IQSEC1: variants seen among roughly 807,000 people sequenced by gnomAD.
The protein encoded by IQSEC1 is IQ motif and SEC7 domain-containing protein 1.
Under a neutral mutation model 91.0 loss-of-function variants are expected in IQSEC1, and 31 were observed. That is an observed-to-expected ratio of 0.34 (90% CI 0.26 to 0.46). IQSEC1 has a LOEUF of 0.46. IQSEC1 is among the 20% of genes least tolerant of loss of function. The pLI is 1.00. For missense variants in IQSEC1, 1,388 were observed against 1,575.6 expected (o/e 0.88, Z 2.02); for synonymous variants, 699 against 662.6 (o/e 1.05, Z -0.84).
intron 1 of IQSEC1, among the ~76,000 whole-genome samples, chr3:13,228,071 T>A (rs1576302445): frequency 1.3e-5 from 2 of 151,858 alleles, no homozygotes; most frequent in Admixed American, 1.3e-4. Context: ...GCCTGGGAGG[T>A]GTGATTTACT....
At chr3:13,085,956 C>T (rs1453942229) in intron 2 of IQSEC1, among the ~76,000 whole-genome samples, 2 of 152,228 alleles carry the variant, frequency 1.3e-5, no homozygotes, top group Admixed American at 1.3e-4. Flanking sequence ...GAAGGTGGCT[C>T]CACGCGGCCC....
In IQSEC1 at chr3:12,924,312, G is replaced by T. The variant is rs145449533; in HGVS notation, c.1730+269C>A. On this transcript the variant is annotated intron_variant, in intron 4 of 13. Coordinates refer to ENST00000613206, the MANE Select transcript of IQSEC1 (RefSeq NM_001134382.3). This position sits in a 1 kb window ranked among gnomAD's most constrained non-coding sequence, Gnocchi z 6.3. ...GTGCTTAGGGATGGAGGGAAGGGAGGGGCCAAGGGTGCATGCCAGAGGGTG... is the reference window on the plus strand; with the variant it reads ...GTGCTTAGGGATGGAGGGAAGGGAGTGGCCAAGGGTGCATGCCAGAGGGTG... Among the ~76,000 whole-genome samples the T allele has an allele frequency of 6.6e-6, 1 of 152,188 alleles. No homozygotes were observed. Among genetic ancestry groups the T allele is most frequent in the South Asian group, 2.1e-4 (1 of 4,832 alleles).
rs1705412878 is a variant in IQSEC1 at position 13,071,168 on chromosome 3, T to TTTG, written c.23+1821_23+1823dup. On this transcript the variant is annotated intron_variant, in intron 1 of 13. Transcript: ENST00000613206. ...GTTTTTTTTTGTTTTTTTTTTTTTG[T>TTTG]TTGTTTCTTTAACTGCTCCTCAAGT... Among the ~76,000 whole-genome samples the TTTG allele has an allele frequency of 5.1e-5, 4 of 78,826 alleles. No individual in the cohort carries two copies. The South Asian group carries it at 1.4e-3, about 28-fold the overall frequency. 51.7% of individuals were successfully genotyped at this position (78,826 alleles called of 152,430 possible).
intron 2 of IQSEC1, among the ~76,000 whole-genome samples, chr3:13,129,660 T>TCTTTC (rs1173129315): frequency 2.7e-5 from 4 of 148,246 alleles, no homozygotes; most frequent in African/African-American, 1.0e-4. Context: ...TATGAATTTT[T>TCTTTC]TTTTTTTTTT....
chr3:12,899,954 T>C lies in IQSEC1; in HGVS notation c.*1029A>G, dbSNP rs1559591789. On this transcript the variant is annotated 3_prime_UTR_variant, in exon 14 of 14. Coordinates refer to ENST00000613206, the MANE Select transcript of IQSEC1 (RefSeq NM_001134382.3). ...CTCTGAATGAGTGTGCGTCAAATCATATGCGCATAAAAGAAACATGGATCA... is the reference window on the plus strand; with the variant it reads ...CTCTGAATGAGTGTGCGTCAAATCACATGCGCATAAAAGAAACATGGATCA... 1.0e-6 allele frequency: 1 copy of C among 985,102 alleles called. No individual in the cohort carries two copies. The highest frequency in any genetic ancestry group is 1.2e-6 in the Non-Finnish European group (1 of 829,880). 61.0% of individuals were successfully genotyped at this position (985,102 alleles called of 1,614,324 possible).
rs2125067620 is a variant in IQSEC1, at chr3:12,908,497, C to T, written c.2607G>A (p.Val869=). ...ESELEKQKGV[V]RPSMSQCSSL... ...TAGAGCACTGGGACATGCTGGGCCG[C>T]ACGACGCCTTTCTGCTTCTCGAGCT... The change falls in exon 12 of 14, where the codon GTG becomes GTA. Residue 869 remains valine, a synonymous_variant. Coordinates refer to ENST00000613206, the MANE Select transcript of IQSEC1 (RefSeq NM_001134382.3). This position sits in a 1 kb window ranked among gnomAD's most constrained non-coding sequence, Gnocchi z 4.9. The T allele has an allele frequency of 6.2e-7, 1 of 1,613,632 alleles. No individual in the cohort carries two copies. Among genetic ancestry groups the T allele is most frequent in the African/African-American group, 1.3e-5 (1 of 75,058 alleles).
intron 2 of IQSEC1, among the ~76,000 whole-genome samples, chr3:13,126,774 T>A (rs1706519175): frequency 6.6e-6 from 1 of 152,234 alleles, no homozygotes; most frequent in African/African-American, 2.4e-5. Flanking sequence ...TAATATGCAA[T>A]GATGCTGAGT....
At chr3:13,035,572 C>T (rs1054692682) in intron 1 of IQSEC1, among the ~76,000 whole-genome samples, 6 of 152,220 alleles carry the variant, frequency 3.9e-5, no homozygotes, top group African/African-American at 1.2e-4. Flanking sequence ...AGTGTCCCTA[C>T]ACCTGTTAGG....
chr3:12,900,326 T>G lies in IQSEC1; in HGVS notation c.*657A>C, dbSNP rs540487869. Reference sequence around the variant, plus strand: ...TTTGTTCCTAGCATTTAGGGTTTGGTCTATTGTCTCACACACCCAGCTAAG... The same window carrying G: ...TTTGTTCCTAGCATTTAGGGTTTGGGCTATTGTCTCACACACCCAGCTAAG... On this transcript the variant is annotated 3_prime_UTR_variant, in exon 14 of 14. Transcript: ENST00000613206. The G allele has an allele frequency of 1.0e-6, 1 of 984,458 alleles. No homozygotes were observed. Among genetic ancestry groups the G allele is most frequent in the Non-Finnish European group, 1.2e-6 (1 of 829,310 alleles). The allele number at this position is 984,458 out of a possible 1,614,324, so 61.0% of individuals were successfully genotyped here.
intron 1 of IQSEC1, among the ~76,000 whole-genome samples, chr3:13,222,113 ACT>A (rs1290689228): frequency 2.6e-5 from 4 of 151,628 alleles, no homozygotes; most frequent in Admixed American, 1.3e-4. Context: ...CCCAACTGAA[ACT>A]CTGCCCCATG....
At position 12,980,126 on chromosome 3, in the gene IQSEC1, G is replaced by A. The variant is rs537838278; in HGVS notation, c.24-38261C>T. ...ACCTTCTGCACAGGGCAGGTGTAAGGGGCTGCACCTCTGTTATCTCCTGTA... is the reference window on the plus strand; with the variant it reads ...ACCTTCTGCACAGGGCAGGTGTAAGAGGCTGCACCTCTGTTATCTCCTGTA... On this transcript the variant is annotated intron_variant, in intron 1 of 13. Coordinates refer to ENST00000613206, the MANE Select transcript of IQSEC1 (RefSeq NM_001134382.3). Among the ~76,000 whole-genome samples the A allele has an allele frequency of 6.6e-5, 10 of 152,298 alleles. No homozygotes were observed. The East Asian group carries it at 1.5e-3, about 24-fold the overall frequency.
chr3:13,169,249 G>C (rs1256906874), intron 1 of IQSEC1, among the ~76,000 whole-genome samples: 1 of 152,206 alleles, frequency 6.6e-6, no homozygotes. Context: ...ATAAGGGGGA[G>C]TTTCCCTGCA....
intron 1 of IQSEC1, among the ~76,000 whole-genome samples, chr3:13,192,766 A>G (rs1251572272): frequency 6.6e-6 from 1 of 152,174 alleles, no homozygotes; most frequent in East Asian, 1.9e-4. Flanking sequence ...TTGTGTAGAC[A>G]TTTCCCACAG....
chr3:12,902,942 G>C (rs992479447), intron 12 of IQSEC1, 120 bp from the exon 13 acceptor site: 8 of 766,636 alleles, frequency 1.0e-5, no homozygotes, highest in Admixed American at 9.9e-5. Context: ...CACAGGTGCC[G>C]GGCCCACCTG....
rs534478276 is a variant in IQSEC1 at position 12,940,787 on chromosome 3, C to G, written c.318+784G>C. ...ATCCATCTGTGCAGTCACTCAGATC[C>G]TCATTCAAACACCTACTGTGCACCT... is the stretch of plus-strand genomic sequence containing the variant. On this transcript the variant is annotated intron_variant, in intron 2 of 13. Transcript: ENST00000613206. This position sits in a 1 kb window ranked among gnomAD's most constrained non-coding sequence, Gnocchi z 4.4. Among the ~76,000 whole-genome samples, 27 of 152,332 alleles carry G rather than the reference C, an allele frequency of 1.8e-4. No homozygotes were observed. Among genetic ancestry groups the G allele is most frequent in the African/African-American group, 6.5e-4 (27 of 41,580 alleles).
chr3:13,244,517 G>A (rs1695076072), intron 1 of IQSEC1, among the ~76,000 whole-genome samples: 1 of 152,172 alleles, frequency 6.6e-6, no homozygotes, highest in African/African-American at 2.4e-5. Flanking sequence ...TCTGCTGAGT[G>A]GATTAATGGG....
intron 1 of IQSEC1, among the ~76,000 whole-genome samples, chr3:13,178,667 G>C (rs1010480811): frequency 3.9e-5 from 6 of 152,164 alleles, no homozygotes; most frequent in African/African-American, 9.7e-5. Flanking sequence ...TCTAAGGAAG[G>C]CCTCTGAAAA....
chr3:13,161,199 A>G (rs1292108784), intron 2 of IQSEC1, among the ~76,000 whole-genome samples: 1 of 152,062 alleles, frequency 6.6e-6, no homozygotes, highest in Non-Finnish European at 1.5e-5. Context: ...GGAGGTGCGC[A>G]TGGGAAGGCT....
intron 1 of IQSEC1, among the ~76,000 whole-genome samples, chr3:13,006,706 T>C (rs1360787253): frequency 6.6e-6 from 1 of 152,224 alleles, no homozygotes; most frequent in Non-Finnish European, 1.5e-5. Context: ...GGTGTTGCAG[T>C]TCAGGGCCCA....
Sources: gnomAD v4.1 joint callset for allele counts (sites outside exome capture counted in the v4.1 genomes callset) on GRCh38, gnomAD v4.1.1 for gene constraint, Gnocchi (gnomAD v3.1) non-coding constraint, MANE v1.5 for transcripts, NCBI Gene and HGNC (gene_info 2026-07-23, HGNC 2026-07-21) for gene names.